Variants in WDR97 observed in about 807,000 individuals in gnomAD.
WDR97 encodes the protein WD repeat domain 97, also known as WD repeat-containing protein 97.
In WDR97, 111 loss-of-function variants were observed where a neutral mutation model predicts 65.4. The ratio of observed to expected loss-of-function variants is 1.70; its 90% CI spans 1.45 to 1.99. WDR97 has a LOEUF of 1.99. Among genes scored for constraint, WDR97 ranks in the 30% most tolerant of loss-of-function variants. WDR97 has a pLI of 0.00. For missense variants in WDR97, 1,674 were observed against 865.0 expected (o/e 1.94, Z -11.73); for synonymous variants, 802 against 397.7 (o/e 2.02, Z -12.10).
rs748585573 is a variant in WDR97 at position 144,115,438 on chromosome 8, G to A, written c.4175G>A (p.Arg1392Lys). The A allele has an allele frequency of 2.9e-6, 2 of 686,252 alleles. No individual in the cohort carries two copies. Among genetic ancestry groups the A allele is most frequent in the African/African-American group, 1.8e-5 (1 of 56,682 alleles). 42.5% of individuals were successfully genotyped at this position (686,252 alleles called of 1,614,324 possible). A position where few individuals can be genotyped will look rare whatever the true frequency, so the allele number is the denominator to read the frequency against. The part of the protein sequence containing the change: ...TSWSASGIFG[R>K]LSQVSEVPLM... ...TGGTCGGCCTCCGGCATCTTCGGGA[G>A]GCTCTCGCAGGTCTCAGAGGTGCCT... Residue 1392 changes from arginine to lysine, a missense_variant, in exon 22 of 24, where the codon AGG (arginine) becomes AAG (lysine). Physicochemically the swap from Arg to Lys is conservative, Grantham distance 26 (BLOSUM62 2). Transcript: ENST00000323662.
Position 144,116,187 on chromosome 8 carries a change from C to G in WDR97, c.4763C>G (p.Pro1588Arg), listed in dbSNP as rs1427737574. 2 of 700,222 alleles carry G rather than the reference C, an allele frequency of 2.9e-6. No homozygotes were observed. The highest frequency in any genetic ancestry group is 1.5e-5 in the South Asian group (1 of 67,344). 43.4% of individuals were successfully genotyped at this position (700,222 alleles called of 1,614,324 possible). A position where few individuals can be genotyped will look rare whatever the true frequency, so the allele number is the denominator to read the frequency against. The change falls in exon 24 of 24, where the codon CCC (proline) becomes CGC (arginine). Residue 1588 changes from proline to arginine, a missense_variant. Transcript: ENST00000323662. ...PLPRVEPQPF[P>R]LDWPMPPRPL... ...CCGCGTGTGGAGCCGCAGCCTTTCCCCCTGGACTGGCCTATGCCCCCGCGC... is the reference window on the plus strand; with the variant it reads ...CCGCGTGTGGAGCCGCAGCCTTTCCGCCTGGACTGGCCTATGCCCCCGCGC...
intron 15 of WDR97, 60 bp downstream of exon 15, chr8:144,112,590 G>A: frequency 2.9e-6 from 2 of 698,770 alleles, no homozygotes; most frequent in Middle Eastern, 2.3e-4. Flanking sequence ...TCTTGTGCCT[G>A]CCATCTCCCC....
In WDR97 at chr8:144,115,618, G is replaced by A. The variant is rs751550953; in HGVS notation, c.4355G>A (p.Arg1452His). 1.9e-5 allele frequency: 13 copies of A among 686,970 alleles called. No individual in the cohort carries two copies. Among genetic ancestry groups the A allele is most frequent in the South Asian group, 6.0e-5 (4 of 66,306 alleles). The allele number at this position is 686,970 out of a possible 1,614,324, so 42.6% of individuals were successfully genotyped here. A position where few individuals can be genotyped will look rare whatever the true frequency, so the allele number is the denominator to read the frequency against. The change falls in exon 22 of 24, where the codon CGC (arginine) becomes CAC (histidine). Residue 1452 changes from arginine to histidine, a missense_variant. Physicochemically the swap from Arg to His is conservative, Grantham distance 29. Transcript: ENST00000323662. Reference protein sequence around the residue: ...LKSFCLEPEARLHPAGPAQLP... With the variant: ...LKSFCLEPEAHLHPAGPAQLP... ...AGCTTCTGCCTGGAGCCCGAGGCCC[G>A]CCTGCACCCTGCCGGGCCTGCTCAG... is the stretch of plus-strand genomic sequence containing the variant.
rs148161437 is a variant in WDR97 at position 144,111,400 on chromosome 8, C to T, written c.2427-26C>T. 9.3e-4 allele frequency: 652 copies of T among 702,820 alleles called. 4 individuals are homozygous for T. In the African/African-American group the frequency reaches 0.011, roughly 11 times the overall value. 43.5% of individuals were successfully genotyped at this position (702,820 alleles called of 1,614,324 possible). The stretch of plus-strand genomic sequence containing the variant: ...GCCCACTGGCATGCCACCCAGCATC[C>T]CACCTGTGCCTGTCCCTGTTTGCAG... On this transcript the variant is annotated intron_variant, in intron 10 of 23. Coordinates refer to ENST00000323662, the MANE Select transcript of WDR97 (RefSeq NM_001316309.2).
chr8:144,115,533 C>G lies in WDR97; in HGVS notation c.4270C>G (p.Pro1424Ala). ...PELQAQRMLA[P>A]KRSWGTPQLR... ...GCTCCAGGCCCAGCGGATGCTGGCA[C>G]CCAAGCGCAGCTGGGGGACCCCTCA... is the stretch of plus-strand genomic sequence containing the variant. Residue 1424 changes from proline to alanine, a missense_variant, in exon 22 of 24, where the codon CCC (proline) becomes GCC (alanine). Pro to Ala is a conservative substitution (Grantham distance 27). Transcript: ENST00000323662. 1.4e-6 allele frequency: 1 copy of G among 697,696 alleles called. No individual in the cohort carries two copies. 43.2% of individuals were successfully genotyped at this position (697,696 alleles called of 1,614,324 possible). A position where few individuals can be genotyped will look rare whatever the true frequency, so the allele number is the denominator to read the frequency against.
chr8:144,107,823 T>C lies in WDR97; in HGVS notation c.73T>C (p.Tyr25His), dbSNP rs1836448460. The change falls in exon 1 of 24, where the codon TAT becomes CAT. Residue 25 changes from tyrosine to histidine, a missense_variant. Coordinates refer to ENST00000323662, the MANE Select transcript of WDR97 (RefSeq NM_001316309.2). ...CTCGGACCTGTATGATGCGGATGGC[T>C]ATGATGTCCCAGACCCTGGGCTGCT... is the stretch of plus-strand genomic sequence containing the variant. ...LDSDLYDADG[Y>H]DVPDPGLLTE... The C allele has an allele frequency of 1.4e-6, 1 of 702,730 alleles. No homozygotes were observed. The allele number at this position is 702,730 out of a possible 1,614,324, so 43.5% of individuals were successfully genotyped here. A position where few individuals can be genotyped will look rare whatever the true frequency, so the allele number is the denominator to read the frequency against.
chr8:144,116,271 C>T lies in WDR97; in HGVS notation c.4847C>T (p.Ala1616Val), dbSNP rs1220430149. The T allele has an allele frequency of 9.2e-6, 6 of 654,502 alleles. No homozygotes were observed. Among genetic ancestry groups the T allele is most frequent in the Admixed American group, 7.1e-5 (3 of 42,518 alleles). 40.5% of individuals were successfully genotyped at this position (654,502 alleles called of 1,614,324 possible). A position where few individuals can be genotyped will look rare whatever the true frequency, so the allele number is the denominator to read the frequency against. ...ALQRYFLPAD[A>V]DPDTYS ...CAGCGCTACTTTCTGCCAGCGGACG[C>T]GGACCCTGACACCTACAGCTGACCG... is the stretch of plus-strand genomic sequence containing the variant. The change falls in exon 24 of 24, where the codon GCG becomes GTG. Residue 1616 changes from alanine to valine, a missense_variant. Transcript: ENST00000323662.
chr8:144,114,236 G>C, intron 18 of WDR97, 42 bp from the exon 19 acceptor site: 1 of 694,036 alleles, frequency 1.4e-6, no homozygotes, highest in Non-Finnish European at 2.6e-6. Flanking sequence ...GGGCTGGCTT[G>C]GGTGTGACAT....
At position 144,107,888 on chromosome 8, in the gene WDR97, G is replaced by C. The variant is rs572729515; in HGVS notation, c.112+26G>C. 124 of 702,804 alleles carry C rather than the reference G, an allele frequency of 1.8e-4. 1 individual carries two copies. The highest frequency in any genetic ancestry group is 1.7e-3 in the South Asian group (118 of 67,604). The allele number at this position is 702,804 out of a possible 1,614,324, so 43.5% of individuals were successfully genotyped here. A position where few individuals can be genotyped will look rare whatever the true frequency, so the allele number is the denominator to read the frequency against. The stretch of plus-strand genomic sequence containing the variant: ...GTGAGGGGGCCTGGCCTCGCCCTCC[G>C]GGCATCCCGCTAGGAAGTGGGTCTC... On this transcript the variant is annotated intron_variant, in intron 1 of 23. Coordinates refer to ENST00000323662, the MANE Select transcript of WDR97 (RefSeq NM_001316309.2).
Position 144,115,984 on chromosome 8 carries a change from G to A in WDR97, c.4637G>A (p.Arg1546Lys), listed in dbSNP as rs1836649398. 4 of 700,646 alleles carry A rather than the reference G, an allele frequency of 5.7e-6. No individual in the cohort carries two copies. In the South Asian group the frequency reaches 5.9e-5, roughly 10 times the overall value. 43.4% of individuals were successfully genotyped at this position (700,646 alleles called of 1,614,324 possible). Residue 1546 changes from arginine (R) to lysine (K), a missense_variant, in exon 23 of 24, where the codon AGG becomes AAG. Coordinates refer to ENST00000323662, the MANE Select transcript of WDR97 (RefSeq NM_001316309.2). The stretch of plus-strand genomic sequence containing the variant: ...CGGCTGCAGGAGGCCAAGCCGCAGA[G>A]GTCCGCGAGGTCCGCGATGAGACTG... Reference protein sequence around the residue: ...ILRLQEAKPQRSARSAMRLRG... With the variant: ...ILRLQEAKPQKSARSAMRLRG...
Position 144,116,076 on chromosome 8 carries a change from TCCGC to T in WDR97, c.4667-8_4667-5del, listed in dbSNP as rs1002349185. 3.3e-5 allele frequency: 14 copies of T among 425,748 alleles called. No homozygotes were observed. In the African/African-American group the frequency reaches 6.6e-4, roughly 20 times the overall value. 26.4% of individuals were successfully genotyped at this position (425,748 alleles called of 1,614,324 possible). A position where few individuals can be genotyped will look rare whatever the true frequency, so the allele number is the denominator to read the frequency against. On this transcript the variant is annotated splice_polypyrimidine_tract_variant and intron_variant, in intron 23 of 23. Transcript: ENST00000323662. ...CCCCAGCCCCCGGGCCTCATAAGCC[TCCGC>T]CCGCCCCCAGGCCCCATGCGGTCCC...
chr8:144,109,080 G>A lies in WDR97; in HGVS notation c.910G>A (p.Val304Ile), dbSNP rs914521744. 4.3e-6 allele frequency: 3 copies of A among 703,078 alleles called. No individual in the cohort carries two copies. The highest frequency in any genetic ancestry group is 3.5e-5 in the African/African-American group (2 of 57,274). The allele number at this position is 703,078 out of a possible 1,614,324, so 43.6% of individuals were successfully genotyped here. Residue 304 changes from valine to isoleucine, a missense_variant, in exon 4 of 24, where the codon GTA (valine) becomes ATA (isoleucine). Val to Ile is a conservative substitution (Grantham distance 29). Coordinates refer to ENST00000323662, the MANE Select transcript of WDR97 (RefSeq NM_001316309.2). ...TISDLAYCEE[V>I]EAMVTASRDS... ...CTCGGACCTGGCTTACTGCGAGGAA[G>A]TAGAGGCAATGGTGACAGCTTCCCG...
intron 10 of WDR97, 35 bp downstream of exon 10, chr8:144,111,257 C>T (rs1836542921): frequency 2.8e-6 from 2 of 702,736 alleles, no homozygotes; most frequent in Non-Finnish European, 5.2e-6. Context: ...TCCTGGAGGC[C>T]CTCCTTTCCC....
rs1467263650 is a variant in WDR97 at position 144,110,242 on chromosome 8, G to C, written c.1829G>C (p.Ser610Thr). ...PVVAIASTWNSIVSSGGDLTV... is the reference protein window; with the variant it reads ...PVVAIASTWNTIVSSGGDLTV... ...GTCGCCATCGCATCCACCTGGAACA[G>C]CATTGTGTCTTCGGGTCAGTAGCTC... Residue 610 changes from serine to threonine, a missense_variant, in exon 6 of 24, where the codon AGC (serine) becomes ACC (threonine). By Grantham distance (58) the Ser-to-Thr change is moderately conservative. Transcript: ENST00000323662. The C allele has an allele frequency of 1.4e-6, 1 of 702,904 alleles. No individual in the cohort carries two copies. Among genetic ancestry groups the C allele is most frequent in the Admixed American group, 2.0e-5 (1 of 50,020 alleles). The allele number at this position is 702,904 out of a possible 1,614,324, so 43.5% of individuals were successfully genotyped here.
At position 144,110,618 on chromosome 8, in the gene WDR97, T is replaced by TC. The variant is rs1026097708; in HGVS notation, c.2081-29dup. The TC allele has an allele frequency of 7.1e-6, 5 of 702,614 alleles. No homozygotes were observed. The Admixed American group carries it at 1.0e-4, about 14-fold the overall frequency. 43.5% of individuals were successfully genotyped at this position (702,614 alleles called of 1,614,324 possible). On this transcript the variant is annotated intron_variant, in intron 7 of 23. Transcript: ENST00000323662. The stretch of plus-strand genomic sequence containing the variant: ...GGGTGAAGCCCAGCCACCGCCCAGC[T>TC]CCGGTTCCTGACCCTGAACCCTGCC...
At position 144,116,175 on chromosome 8, in the gene WDR97, C is replaced by T. The variant is rs757959866; in HGVS notation, c.4751C>T (p.Pro1584Leu). The change falls in exon 24 of 24, where the codon CCG becomes CTG. Residue 1584 changes from proline to leucine, a missense_variant. Physicochemically the swap from Pro to Leu is moderately conservative, Grantham distance 98 (BLOSUM62 -3). Transcript: ENST00000323662. ...TLKLPLPRVE[P>L]QPFPLDWPMP... ...AAGCTGCCGTTGCCGCGTGTGGAGC[C>T]GCAGCCTTTCCCCCTGGACTGGCCT... 3 of 700,422 alleles carry T rather than the reference C, an allele frequency of 4.3e-6. No individual in the cohort carries two copies. Among genetic ancestry groups the T allele is most frequent in the South Asian group, 1.5e-5 (1 of 67,370 alleles). 43.4% of individuals were successfully genotyped at this position (700,422 alleles called of 1,614,324 possible). A position where few individuals can be genotyped will look rare whatever the true frequency, so the allele number is the denominator to read the frequency against.
rs1564322042 is a variant in WDR97 at position 144,112,250 on chromosome 8, C to G, written c.2922C>G (p.His974Gln). Reference protein sequence around the residue: ...SQLLARSSLSHYLGISLDLQL... With the variant: ...SQLLARSSLSQYLGISLDLQL... ...TTCTGGCCCGCTCCTCACTGAGCCACTACCTGGGCATCAGTCTGGATCTGC... is the reference window on the plus strand; with the variant it reads ...TTCTGGCCCGCTCCTCACTGAGCCAGTACCTGGGCATCAGTCTGGATCTGC... Residue 974 changes from histidine (H) to glutamine (Q), a missense_variant, in exon 14 of 24, where the codon CAC becomes CAG. Physicochemically the swap from His to Gln is conservative, Grantham distance 24. Coordinates refer to ENST00000323662, the MANE Select transcript of WDR97 (RefSeq NM_001316309.2). 1 of 702,794 alleles carries G rather than the reference C, an allele frequency of 1.4e-6. No individual in the cohort carries two copies. Among genetic ancestry groups the G allele is most frequent in the Non-Finnish European group, 2.6e-6 (1 of 384,970 alleles). 43.5% of individuals were successfully genotyped at this position (702,794 alleles called of 1,614,324 possible).
In WDR97 at chr8:144,115,868, G is replaced by T. The variant is rs760548009; in HGVS notation, c.4595+10G>T. On this transcript the variant is annotated intron_variant, in intron 22 of 23. Coordinates refer to ENST00000323662, the MANE Select transcript of WDR97 (RefSeq NM_001316309.2). ...CTCCGCGGGAGCACTGGTGCGCGGG[G>T]CCTGCGCCGGCGGGGCCTGCGTGGG... 2 of 695,060 alleles carry T rather than the reference G, an allele frequency of 2.9e-6. No homozygotes were observed. Among genetic ancestry groups the T allele is most frequent in the South Asian group, 1.5e-5 (1 of 67,050 alleles). 43.1% of individuals were successfully genotyped at this position (695,060 alleles called of 1,614,324 possible). A position where few individuals can be genotyped will look rare whatever the true frequency, so the allele number is the denominator to read the frequency against.
chr8:144,114,197 G>C, intron 18 of WDR97, 35 bp downstream of exon 18: 1 of 699,280 alleles, frequency 1.4e-6, no homozygotes, highest in Non-Finnish European at 2.6e-6. Flanking sequence ...AGAAGCATGG[G>C]TTAGGGTGAG....
Sources: allele counts gnomAD v4.1 joint callset, GRCh38; gene constraint gnomAD v4.1.1; transcripts MANE v1.5; gene names NCBI Gene and HGNC (gene_info 2026-07-23, HGNC 2026-07-21).